NIPSNAP3B: variants seen among roughly 807,000 people sequenced by gnomAD.
NIPSNAP3B encodes the protein nipsnap homolog 3B, also known as protein NipSnap homolog 3B.
In NIPSNAP3B, 30 loss-of-function variants were observed where a neutral mutation model predicts 31.5. That is an observed-to-expected ratio of 0.95 (90% CI 0.71 to 1.29). The LOEUF (loss-of-function observed/expected upper bound fraction) is 1.29. Ranked by LOEUF, NIPSNAP3B falls within the 50% of genes most tolerant of loss-of-function variation. The probability of loss-of-function intolerance (pLI) is 0.00; values close to 1 mark genes in which losing one functional copy is unlikely to be tolerated. For missense variants in NIPSNAP3B, 269 were observed against 300.7 expected, an observed-to-expected ratio of 0.89 and a Z score of 0.78; for synonymous variants, 106 against 107.9, an observed-to-expected ratio of 0.98 and a Z score of 0.11.
At chr9:104,787,901 C>T in the NIPSNAP3B span, 1 of 1,613,950 alleles carries the variant, frequency 6.2e-7, no homozygotes, top group Non-Finnish European at 8.5e-7. Context: ...AACAGTTTTC[C>T]ATCCACAGTT....
Position 104,775,621 on chromosome 9 carries a change from C to A in NIPSNAP3B, c.*2548C>A, listed in dbSNP as rs1303943465. On this transcript the variant is annotated 3_prime_UTR_variant, in exon 6 of 6. Coordinates refer to ENST00000374762, the MANE Select transcript of NIPSNAP3B (RefSeq NM_018376.4). Reference sequence around the variant, plus strand: ...CACACCTCTTTTCTGAATCTTTTTTCAAATTCACACATGTGAATTTGAATT... The same window carrying A: ...CACACCTCTTTTCTGAATCTTTTTTAAAATTCACACATGTGAATTTGAATT... 1.3e-5 allele frequency among the ~76,000 whole-genome samples: 2 copies of A among 152,214 alleles called. No homozygotes were observed. The highest frequency in any genetic ancestry group is 1.3e-4 in the Admixed American group (2 of 15,294).
intron 1 of NIPSNAP3B, among the ~76,000 whole-genome samples, chr9:104,764,899 C>G (rs1828059150): frequency 6.6e-6 from 1 of 152,132 alleles, no homozygotes; most frequent in Non-Finnish European, 1.5e-5. Context: ...ACCCCCGTGG[C>G]GCCAGCTGTT....
rs1828316089 is a variant in NIPSNAP3B at position 104,775,467 on chromosome 9, T to C, written c.*2394T>C. On this transcript the variant is annotated 3_prime_UTR_variant, in exon 6 of 6. Transcript: ENST00000374762. ...CATATCTCCTAGTCTCCATCTTGTC[T>C]CTTTGACCTCTGATGTAAGGACTGA... Among the ~76,000 whole-genome samples, 2 of 152,202 alleles carry C rather than the reference T, an allele frequency of 1.3e-5. No individual in the cohort carries two copies. The highest frequency in any genetic ancestry group is 4.1e-4 in the South Asian group (2 of 4,824).
At chr9:104,788,666 C>T in the NIPSNAP3B span, 2 of 1,386,208 alleles carry the variant, frequency 1.4e-6, no homozygotes, top group African/African-American at 1.4e-5. Flanking sequence ...TTCTCCATTA[C>T]AAAGATACCA....
intron 2 of NIPSNAP3B, 29 bp from the exon 3 acceptor site, chr9:104,768,834 A>T (rs774702672): frequency 3.7e-5 from 59 of 1,580,620 alleles, no homozygotes; most frequent in Non-Finnish European, 4.5e-5. Flanking sequence ...AAATAAAAAA[A>T]CATTTTCTTA....
At chr9:104,766,288 C>T (rs992928251) in intron 1 of NIPSNAP3B, 37 bp from the exon 2 acceptor site, 5 of 1,561,260 alleles carry the variant, frequency 3.2e-6, no homozygotes, top group Admixed American at 3.4e-5. Context: ...GTAATTGTAC[C>T]TTCCCAAGAT....
chr9:104,772,905 G>A lies in NIPSNAP3B; in HGVS notation c.664G>A (p.Ala222Thr). ...CCATGAGGATCCCAGAGTTGTGGCG[G>A]CTGGTAAGCTGTTTCACTAAGCACG... ...KSHEDPRVVAAVRESVNYLVS... is the reference protein window; with the variant it reads ...KSHEDPRVVATVRESVNYLVS... Residue 222 changes from alanine (A) to threonine (T), a missense_variant, in exon 5 of 6, where the codon GCT (alanine) becomes ACT (threonine). Transcript: ENST00000374762. The A allele has an allele frequency of 6.2e-7, 1 of 1,613,512 alleles. No homozygotes were observed. The highest frequency in any genetic ancestry group is 1.1e-5 in the South Asian group (1 of 90,986).
Position 104,764,310 on chromosome 9 carries a change from G to C in NIPSNAP3B, c.60+10G>C, listed in dbSNP as rs1400813987. On this transcript the variant is annotated intron_variant, in intron 1 of 5. Coordinates refer to ENST00000374762, the MANE Select transcript of NIPSNAP3B (RefSeq NM_018376.4). ...GACGCTCGCGCCTCAGGTACTGGCC[G>C]CGGGGGCGCGCCCGAGCCCTGGCCG... 6.4e-7 allele frequency: 1 copy of C among 1,571,678 alleles called. No individual in the cohort carries two copies. Among genetic ancestry groups the C allele is most frequent in the Admixed American group, 1.9e-5 (1 of 53,044 alleles).
chr9:104,768,834 AC>A (rs760191747), intron 2 of NIPSNAP3B, 28 bp from the exon 3 acceptor site: 33 of 1,580,738 alleles, frequency 2.1e-5, no homozygotes, highest in African/African-American at 8.2e-5. Context: ...AAATAAAAAA[AC>A]ATTTTCTTAA....
chr9:104,785,380 G>T, the NIPSNAP3B span: 4 of 1,613,650 alleles, frequency 2.5e-6, no homozygotes, highest in South Asian at 4.4e-5. Context: ...AATCTGTTTT[G>T]ACACTCAAAG....
the NIPSNAP3B span, chr9:104,784,158 T>C: frequency 1.6e-4 from 150 of 920,440 alleles, no homozygotes; most frequent in Non-Finnish European, 2.2e-4. Context: ...TTTGTTTTCA[T>C]TGCATTGAAT....
downstream of NIPSNAP3B, among the ~76,000 whole-genome samples, chr9:104,779,337 C>G (rs28408753): frequency 0.046 from 7,029 of 152,164 alleles, 436 homozygotes; most frequent in East Asian, 0.22. Flanking sequence ...CCCCTAGTAC[C>G]TAGAGAAGTA....
chr9:104,784,767 G>C, the NIPSNAP3B span, among the ~76,000 whole-genome samples: 1 of 152,100 alleles, frequency 6.6e-6, no homozygotes, highest in East Asian at 1.9e-4. Context: ...CCTCAGCCTC[G>C]CAAGTAGCTG....
downstream of NIPSNAP3B, chr9:104,782,542 T>G (rs1366452009): frequency 1.3e-5 from 2 of 152,168 alleles, no homozygotes; most frequent in Non-Finnish European, 2.9e-5. Flanking sequence ...TGAAACAGTA[T>G]TTTTACAAAT....
At chr9:104,785,762 T>C in the NIPSNAP3B span, 6 of 1,153,462 alleles carry the variant, frequency 5.2e-6, no homozygotes, top group African/African-American at 7.8e-5. Context: ...CAGAAATAAG[T>C]TTCTGAGAGA....
chr9:104,789,712 AC>A, the NIPSNAP3B span, among the ~76,000 whole-genome samples: 88 of 152,312 alleles, frequency 5.8e-4, no homozygotes, highest in Admixed American at 1.6e-3. Flanking sequence ...GTGTGTACAT[AC>A]TAGGTTGAGA....
In NIPSNAP3B at chr9:104,776,863, A is replaced by G. The variant is rs1454509966; in HGVS notation, c.*3790A>G. ...ATAAGCCCTAAGTACTTGTTGACTG[A>G]ATTAACATATGAGATCTGTGAGTCT... On this transcript the variant is annotated 3_prime_UTR_variant, in exon 6 of 6. Coordinates refer to ENST00000374762, the MANE Select transcript of NIPSNAP3B (RefSeq NM_018376.4). 2.0e-5 allele frequency among the ~76,000 whole-genome samples: 3 copies of G among 152,192 alleles called. No individual in the cohort carries two copies. The highest frequency in any genetic ancestry group is 7.2e-5 in the African/African-American group (3 of 41,450).
rs899268896 is a variant in NIPSNAP3B, at chr9:104,774,096, C to T, written c.*1023C>T. ...CTACTAAAACTAGATTTGGTACTTCCGATAGTGTATATTTACAGCTATATT... is the reference window on the plus strand; with the variant it reads ...CTACTAAAACTAGATTTGGTACTTCTGATAGTGTATATTTACAGCTATATT... On this transcript the variant is annotated 3_prime_UTR_variant, in exon 6 of 6. Transcript: ENST00000374762. 5.9e-5 allele frequency: 9 copies of T among 152,006 alleles called. No individual in the cohort carries two copies. Among genetic ancestry groups the T allele is most frequent in the African/African-American group, 4.8e-5 (2 of 41,380 alleles). 9.4% of individuals were successfully genotyped at this position (152,006 alleles called of 1,614,324 possible).
At chr9:104,765,620 CTTGATA>C (rs1389258349) in intron 1 of NIPSNAP3B, among the ~76,000 whole-genome samples, 1 of 152,182 alleles carries the variant, frequency 6.6e-6, no homozygotes, top group African/African-American at 2.4e-5. Context: ...GTACATACTT[CTTGATA>C]TTGCATCTGT....
Sources: gnomAD v4.1 joint callset for allele counts (sites outside exome capture counted in the v4.1 genomes callset) on GRCh38, gnomAD v4.1.1 for gene constraint, MANE v1.5 for transcripts, NCBI Gene and HGNC (gene_info 2026-07-23, HGNC 2026-07-21) for gene names.